Variants in PHLDB1 observed in about 807,000 individuals in gnomAD.
The protein encoded by PHLDB1 is pleckstrin homology-like domain family B member 1.
A neutral mutation model predicts 139.3 loss-of-function variants in PHLDB1; 65 were observed. The ratio of observed to expected loss-of-function variants is 0.47; its 90% CI spans 0.38 to 0.57. The LOEUF is 0.57. Ranked by LOEUF, PHLDB1 falls within the 20% of genes least tolerant of loss-of-function variation. PHLDB1 has a pLI of 0.00. For synonymous variants in PHLDB1, 679 were observed against 734.5 expected (o/e 0.92, Z 1.22); for missense variants, 1,624 against 1,839.7 (o/e 0.88, Z 2.14).
chr11:118,607,896 T>A (rs1555080209), intron 1 of PHLDB1, among the ~76,000 whole-genome samples, 197 bp downstream of exon 1: 1 of 152,062 alleles, frequency 6.6e-6, no homozygotes, highest in African/African-American at 2.4e-5. Flanking sequence ...GGAGTTTTCC[T>A]GTGAGCCTCT....
chr11:118,650,973 A>C lies in PHLDB1; in HGVS notation c.3874+426A>C, dbSNP rs1948260247. On this transcript the variant is annotated intron_variant, in intron 20 of 22. Coordinates refer to ENST00000600882, the MANE Select transcript of PHLDB1 (RefSeq NM_001144758.3). The surrounding 1 kb of genome is among the most constrained non-coding windows in gnomAD (Gnocchi z 4.7). ...CTCCCCCTTGGACAAATTCCATCAG[A>C]GATTCCAAGACAAGCAGTTGAACAG... The C allele has an allele frequency of 9.8e-6, 2 of 203,336 alleles. No individual in the cohort carries two copies. The highest frequency in any genetic ancestry group is 1.8e-4 in the South Asian group (2 of 11,090). The allele number at this position is 203,336 out of a possible 1,614,324, so 12.6% of individuals were successfully genotyped here. A position where few individuals can be genotyped will look rare whatever the true frequency, so the allele number is the denominator to read the frequency against.
At position 118,635,500 on chromosome 11, in the gene PHLDB1, G is replaced by T. The variant is rs782386132; in HGVS notation, c.2487G>T (p.Gly829=). 2 of 1,609,072 alleles carry T rather than the reference G, an allele frequency of 1.2e-6. No individual in the cohort carries two copies. Among genetic ancestry groups the T allele is most frequent in the Non-Finnish European group, 1.7e-6 (2 of 1,178,034 alleles). ...VEEERELAGQ[G]LLRSKAELLR... ...AGGAGCGCGAGCTGGCCGGCCAGGG[G>T]CTGCTCCGGAGCAAGGCTGAGCTGC... Residue 829 remains glycine (G), a synonymous_variant, in exon 10 of 23, where the codon GGG becomes GGT. Transcript: ENST00000600882.
chr11:118,642,873 T>C (rs1946807489), intron 13 of PHLDB1, among the ~76,000 whole-genome samples: 1 of 152,176 alleles, frequency 6.6e-6, no homozygotes, highest in Non-Finnish European at 1.5e-5. Context: ...GGGCAAAGAC[T>C]CTGAAGTGAC....
At chr11:118,655,524 C>T (rs782042608) in intron 20 of PHLDB1, 81 bp from the exon 21 acceptor site, 29 of 854,376 alleles carry the variant, frequency 3.4e-5, no homozygotes, top group Non-Finnish European at 4.4e-5. Flanking sequence ...GATTTGGAAG[C>T]TCAGGCCATG....
In PHLDB1 at chr11:118,614,685, A is replaced by C. The variant is rs782462581; in HGVS notation, c.184+3A>C. ...CACCCTCCTGCCGCTGGAGGAAGGT[A>C]AGTGTGAACAGGGCATCTCACTCAC... On this transcript the variant is annotated splice_donor_region_variant and intron_variant, in intron 3 of 22. Coordinates refer to ENST00000600882, the MANE Select transcript of PHLDB1 (RefSeq NM_001144758.3). 6.2e-7 allele frequency: 1 copy of C among 1,613,410 alleles called. No homozygotes were observed. Among genetic ancestry groups the C allele is most frequent in the South Asian group, 1.1e-5 (1 of 91,046 alleles).
chr11:118,654,576 A>T (rs1445665210), intron 20 of PHLDB1: 2 of 151,972 alleles, frequency 1.3e-5, no homozygotes, highest in African/African-American at 4.8e-5. Context: ...GGTGGCATAC[A>T]GTACATTCTT....
In PHLDB1 at chr11:118,611,829, A is replaced by ATAATAAT. The variant is rs1555084253; in HGVS notation, c.-21-1987_-21-1986insTAATAAT. Among the ~76,000 whole-genome samples the ATAATAAT allele has an allele frequency of 4.7e-5, 7 of 148,152 alleles. No homozygotes were observed. The highest frequency in any genetic ancestry group is 1.7e-4 in the African/African-American group (7 of 40,104). On this transcript the variant is annotated intron_variant, in intron 1 of 22. Coordinates refer to ENST00000600882, the MANE Select transcript of PHLDB1 (RefSeq NM_001144758.3). This position sits in a 1 kb window ranked among gnomAD's most constrained non-coding sequence, Gnocchi z 4.7. ...GTGAAACTCCGTCTCAAAAAAAAAA[A>ATAATAAT]AAAAATAATAATAATAATAATAAAT...
intron 15 of PHLDB1, chr11:118,644,592 C>T: frequency 8.5e-7 from 1 of 1,172,814 alleles, no homozygotes; most frequent in Non-Finnish European, 1.1e-6. Flanking sequence ...CCTCTCTCTC[C>T]TCTTACCCCC....
intron 5 of PHLDB1, chr11:118,627,036 A>G: frequency 4.0e-6 from 2 of 505,174 alleles, no homozygotes; most frequent in East Asian, 3.7e-5. Context: ...ATAGTCTTAG[A>G]AGTGCCTATC....
chr11:118,642,169 G>T, intron 12 of PHLDB1, 85 bp from the exon 13 acceptor site: 2 of 1,252,642 alleles, frequency 1.6e-6, no homozygotes, highest in Non-Finnish European at 1.2e-6. Flanking sequence ...CCCTTCTCCT[G>T]CCTTTTCCTT....
chr11:118,655,804 C>A lies in PHLDB1; in HGVS notation c.3961-56C>A, dbSNP rs1193094270. ...GCCTGCCCTCTACAGAGGCTCCAAC[C>A]CAGTCCTTGTTCTCTTTGTCAACTT... On this transcript the variant is annotated intron_variant, in intron 21 of 22. Transcript: ENST00000600882. 7.7e-6 allele frequency: 12 copies of A among 1,550,474 alleles called. No homozygotes were observed. In the East Asian group the frequency reaches 9.0e-5, roughly 12 times the overall value.
At chr11:118,642,069 C>T (rs2136588646) in intron 12 of PHLDB1, 185 bp from the exon 13 acceptor site, 2 of 675,760 alleles carry the variant, frequency 3.0e-6, no homozygotes, top group African/African-American at 1.8e-5. Context: ...CTTCCTTCCT[C>T]CCCTTCTTCC....
At chr11:118,639,468 C>A in intron 12 of PHLDB1, 2 of 566,140 alleles carry the variant, frequency 3.5e-6, no homozygotes, top group East Asian at 3.0e-5. Context: ...CAGGAGCCTA[C>A]AGATTTCACT....
At chr11:118,619,018 G>T (rs1165773418) in intron 4 of PHLDB1, among the ~76,000 whole-genome samples, 1 of 152,086 alleles carries the variant, frequency 6.6e-6, no homozygotes, top group Non-Finnish European at 1.5e-5. Context: ...TCCACCCCCT[G>T]TACCCAGGCA....
chr11:118,625,069 G>T lies in PHLDB1; in HGVS notation c.481+10G>T. ...TACAGCCCTGTTCCTGGTAGGTACCGACGGGGGCAGGGTGCTGGGTTGATG... is the reference window on the plus strand; with the variant it reads ...TACAGCCCTGTTCCTGGTAGGTACCTACGGGGGCAGGGTGCTGGGTTGATG... On this transcript the variant is annotated intron_variant, in intron 5 of 22. Coordinates refer to ENST00000600882, the MANE Select transcript of PHLDB1 (RefSeq NM_001144758.3). The T allele has an allele frequency of 2.5e-6, 4 of 1,591,000 alleles. No homozygotes were observed. The highest frequency in any genetic ancestry group is 1.7e-4 in the Middle Eastern group (1 of 5,912).
At position 118,643,725 on chromosome 11, in the gene PHLDB1, C is replaced by T. The variant is rs1183855963; in HGVS notation, c.2878-75C>T. 5 of 1,611,120 alleles carry T rather than the reference C, an allele frequency of 3.1e-6. No homozygotes were observed. In the African/African-American group the frequency reaches 4.0e-5, roughly 13 times the overall value. ...AGTGCCAGGGCGGTACGTCAGATCA[C>T]AGCAGACTAGGTGACATGGGGGAGG... On this transcript the variant is annotated intron_variant, in intron 13 of 22. Transcript: ENST00000600882.
rs1203082448 is a variant in PHLDB1, at chr11:118,648,083, G to A, written c.3654+7G>A. The A allele has an allele frequency of 6.2e-7, 1 of 1,612,652 alleles. No individual in the cohort carries two copies. The highest frequency in any genetic ancestry group is 1.3e-5 in the African/African-American group (1 of 74,886). On this transcript the variant is annotated splice_region_variant and intron_variant, in intron 18 of 22. Coordinates refer to ENST00000600882, the MANE Select transcript of PHLDB1 (RefSeq NM_001144758.3). ...GGAGAAACAATTTTCCCAGGTGAATGGGCAGTGGGGCACAGTGGTGGTTGG... is the reference window on the plus strand; with the variant it reads ...GGAGAAACAATTTTCCCAGGTGAATAGGCAGTGGGGCACAGTGGTGGTTGG...
chr11:118,630,913 AAAG>A (rs1257972354), intron 6 of PHLDB1, among the ~76,000 whole-genome samples: 1 of 151,288 alleles, frequency 6.6e-6, no homozygotes, highest in Non-Finnish European at 1.5e-5. Flanking sequence ...TAGACTGAAA[AAAG>A]AAAGGAACAG....
At chr11:118,634,832 C>T (rs1945352242) in intron 9 of PHLDB1, 1 of 291,176 alleles carries the variant, frequency 3.4e-6, no homozygotes, top group Non-Finnish European at 7.1e-6. Flanking sequence ...CTCCCGCGCT[C>T]CCCTCCCGCC....
Sources: gnomAD v4.1 joint callset for allele counts (sites outside exome capture counted in the v4.1 genomes callset) on GRCh38, gnomAD v4.1.1 for gene constraint, Gnocchi (gnomAD v3.1) non-coding constraint, MANE v1.5 for transcripts, NCBI Gene and HGNC (gene_info 2026-07-23, HGNC 2026-07-21) for gene names.